COL8A2: variants seen among roughly 807,000 people sequenced by gnomAD.
COL8A2 encodes the protein collagen type VIII alpha 2 chain.
A neutral mutation model predicts 24.0 loss-of-function variants in COL8A2; 16 were observed. That is an observed-to-expected ratio of 0.67 (90% CI 0.45 to 1.01). The LOEUF (loss-of-function observed/expected upper bound fraction) is 1.01, where lower values mean the gene tolerates loss of function less well. Among genes scored for constraint, COL8A2 ranks in the 50% least tolerant of loss-of-function variants. The pLI is 0.00. For missense variants in COL8A2, 818 were observed against 942.4 expected (o/e 0.87, Z 1.73); for synonymous variants, 466 against 424.5 (o/e 1.10, Z -1.20).
chr1:36,120,147 C>A (rs1289325647), intron 1 of COL8A2, among the ~76,000 whole-genome samples: 3 of 152,176 alleles, frequency 2.0e-5, no homozygotes, highest in African/African-American at 7.2e-5. Context: ...CCACAAAAAA[C>A]CCCTTGTGCT....
In COL8A2 at chr1:36,099,319, CGGGAGAAGCCAGG is replaced by C; in HGVS notation, c.349_361del (p.Pro117GlyfsTer116). On this transcript the variant is annotated frameshift_variant, in exon 4 of 4. Coordinates refer to ENST00000397799, the MANE Select transcript of COL8A2 (RefSeq NM_005202.4). LOFTEE classifies it low-confidence loss of function (END_TRUNC). ...CCCTGGGGGACCAGCCTTGCCCATC[CGGGAGAAGCCAGG>C]GGGCCCAGCAGGGCCAGGCTGCCCA... 1 of 1,581,440 alleles carries C rather than the reference CGGGAGAAGCCAGG, an allele frequency of 6.3e-7. No individual in the cohort carries two copies. The highest frequency in any genetic ancestry group is 8.6e-7 in the Non-Finnish European group (1 of 1,165,812).
Position 36,099,088 on chromosome 1 carries a change from G to T in COL8A2, c.593C>A (p.Pro198His). Residue 198 changes from proline to histidine, a missense_variant, in exon 4 of 4, where the codon CCC becomes CAC. Physicochemically the swap from Pro to His is moderately conservative, Grantham distance 77 (BLOSUM62 -2). Transcript: ENST00000397799. Reference protein sequence around the residue: ...GEPGPQGEPGPPGDRGLKGDN... With the variant: ...GEPGPQGEPGHPGDRGLKGDN... ...CCCCTTGAGGCCTCGATCACCTGGGGGCCCAGGCTCCCCCTGGGGCCCTGG... is the reference window on the plus strand; with the variant it reads ...CCCCTTGAGGCCTCGATCACCTGGGTGCCCAGGCTCCCCCTGGGGCCCTGG... The T allele has an allele frequency of 6.6e-7, 1 of 1,509,762 alleles. No individual in the cohort carries two copies. The highest frequency in any genetic ancestry group is 8.8e-7 in the Non-Finnish European group (1 of 1,130,592). 93.5% of individuals were successfully genotyped at this position (1,509,762 alleles called of 1,614,324 possible).
chr1:36,113,151 GGACC>G (rs1643863375), intron 2 of COL8A2, among the ~76,000 whole-genome samples: 1 of 152,162 alleles, frequency 6.6e-6, no homozygotes, highest in Non-Finnish European at 1.5e-5. Context: ...AGAGGGCCAG[GGACC>G]AGCTCAACGC....
intron 2 of COL8A2, among the ~76,000 whole-genome samples, chr1:36,103,422 G>A (rs1339928403): frequency 5.3e-5 from 8 of 152,022 alleles, no homozygotes; most frequent in South Asian, 4.2e-4. Flanking sequence ...ACAGGCGCCC[G>A]CCAACACGCC....
In COL8A2 at chr1:36,100,212, G is replaced by A. The variant is rs555148744; in HGVS notation, c.31C>T (p.Leu11=). The A allele has an allele frequency of 6.3e-7, 1 of 1,584,276 alleles. No individual in the cohort carries two copies. The highest frequency in any genetic ancestry group is 1.1e-5 in the South Asian group (1 of 88,192). Residue 11 remains leucine, a synonymous_variant, in exon 3 of 4, where the codon CTG becomes TTG. Coordinates refer to ENST00000397799, the MANE Select transcript of COL8A2 (RefSeq NM_005202.4). The stretch of plus-strand genomic sequence containing the variant: ...ACCAGCACCAGTAGCAGCAGCAGCA[G>A]CGAAGACAGGGGTGTCAGAGTCCCC... MLGTLTPLSS[L]LLLLLVLVLG... is the part of the protein sequence containing the mutation.
chr1:36,103,418 G>A (rs937099726), intron 2 of COL8A2, among the ~76,000 whole-genome samples: 3 of 152,022 alleles, frequency 2.0e-5, no homozygotes, highest in Non-Finnish European at 4.4e-5. Flanking sequence ...GACTACAGGC[G>A]CCCGCCAACA....
chr1:36,109,581 C>CTTTT (rs10715688), intron 2 of COL8A2, among the ~76,000 whole-genome samples: 6 of 141,112 alleles, frequency 4.3e-5, no homozygotes, highest in African/African-American at 2.6e-5. Context: ...AGTAACCACT[C>CTTTT]TTTTTTTTTT....
chr1:36,118,682 C>T (rs1200692837), intron 1 of COL8A2, among the ~76,000 whole-genome samples: 1 of 146,078 alleles, frequency 6.8e-6, no homozygotes, highest in Non-Finnish European at 1.5e-5. Context: ...CACCCCCCGC[C>T]CCCCACCCCC....
intron 1 of COL8A2, among the ~76,000 whole-genome samples, chr1:36,120,210 T>C (rs1487946844): frequency 6.6e-6 from 1 of 152,172 alleles, no homozygotes; most frequent in East Asian, 1.9e-4. Context: ...TCCATTCCTT[T>C]TGGGAGGCTC....
rs1643927679 is a variant in COL8A2 at position 36,123,326 on chromosome 1, T to C, written c.-62+1731A>G. Among the ~76,000 whole-genome samples, 1 of 152,206 alleles carries C rather than the reference T, an allele frequency of 6.6e-6. No homozygotes were observed. Among genetic ancestry groups the C allele is most frequent in the Non-Finnish European group, 1.5e-5 (1 of 68,036 alleles). On this transcript the variant is annotated intron_variant, in intron 1 of 3. Coordinates refer to ENST00000397799, the MANE Select transcript of COL8A2 (RefSeq NM_005202.4). The surrounding 1 kb of genome is among the most constrained non-coding windows in gnomAD (Gnocchi z 4.1). Reference sequence around the variant, plus strand: ...AGGGCAAGGAAGCTGGGGCTGTGCGTCCTTTGTTCCGGCTCAGGCAGGAGC... The same window carrying C: ...AGGGCAAGGAAGCTGGGGCTGTGCGCCCTTTGTTCCGGCTCAGGCAGGAGC...
intron 2 of COL8A2, among the ~76,000 whole-genome samples, chr1:36,112,264 A>G (rs1394284135): frequency 6.6e-6 from 1 of 151,982 alleles, no homozygotes; most frequent in East Asian, 1.9e-4. Context: ...CGGCCTCCCA[A>G]AGTGCTGGGA....
rs771655358 is a variant in COL8A2 at position 36,098,753 on chromosome 1, T to A, written c.928A>T (p.Ile310Leu). ...GGCATCCCATAGCCAGTGGGGCCTA[T>A]CAGCCCAGGGGGGCCCCGGGTCCCT... ...EPGTRGPPGL[I>L]GPTGYGMPGL... Residue 310 changes from isoleucine to leucine, a missense_variant, in exon 4 of 4, where the codon ATA (isoleucine) becomes TTA (leucine). Ile to Leu is a conservative substitution (Grantham distance 5). Transcript: ENST00000397799. 2 of 1,611,366 alleles carry A rather than the reference T, an allele frequency of 1.2e-6. No homozygotes were observed. Among genetic ancestry groups the A allele is most frequent in the African/African-American group, 2.7e-5 (2 of 74,814 alleles).
chr1:36,121,162 G>A (rs1421721993), intron 1 of COL8A2, among the ~76,000 whole-genome samples: 7 of 151,168 alleles, frequency 4.6e-5, no homozygotes, highest in South Asian at 4.2e-4. Context: ...AGGCCAAGGC[G>A]GGTAGATCAT....
At chr1:36,119,960 C>G (rs914823775) in intron 1 of COL8A2, among the ~76,000 whole-genome samples, 1 of 152,142 alleles carries the variant, frequency 6.6e-6, no homozygotes, top group Non-Finnish European at 1.5e-5. Flanking sequence ...AGAATTGAGA[C>G]CAGAGGCCAG....
rs1265221345 is a variant in COL8A2, at chr1:36,115,952, T to C, written c.-61-200A>G. ...GATGGTGCACGCCTATAGTCCCAGC[T>C]ACTTAGGAGGCTGAGGTGGGTGGTA... On this transcript the variant is annotated intron_variant, in intron 1 of 3. Transcript: ENST00000397799. This position sits in a 1 kb window ranked among gnomAD's most constrained non-coding sequence, Gnocchi z 5.7. Among the ~76,000 whole-genome samples, 2 of 151,700 alleles carry C rather than the reference T, an allele frequency of 1.3e-5. No individual in the cohort carries two copies. Among genetic ancestry groups the C allele is most frequent in the Admixed American group, 6.6e-5 (1 of 15,198 alleles).
At chr1:36,103,560 C>T (rs1467032193) in intron 2 of COL8A2, among the ~76,000 whole-genome samples, 1 of 151,308 alleles carries the variant, frequency 6.6e-6, no homozygotes, top group Non-Finnish European at 1.5e-5. Context: ...GGCGTGAGGC[C>T]CACATCTGTG....
At chr1:36,110,535 G>A (rs538583047) in intron 2 of COL8A2, among the ~76,000 whole-genome samples, 1 of 152,084 alleles carries the variant, frequency 6.6e-6, no homozygotes, top group South Asian at 2.1e-4. Context: ...TCTCACCCAA[G>A]CTGGAGTGCA....
At chr1:36,112,553 C>T (rs1402924467) in intron 2 of COL8A2, among the ~76,000 whole-genome samples, 10 of 152,124 alleles carry the variant, frequency 6.6e-5, no homozygotes, top group Admixed American at 5.9e-4. Flanking sequence ...TGCTTTCCCA[C>T]AGCCTCACCC....
chr1:36,101,282 C>A (rs1415976006), intron 2 of COL8A2, among the ~76,000 whole-genome samples: 1 of 152,190 alleles, frequency 6.6e-6, no homozygotes, highest in Non-Finnish European at 1.5e-5. Context: ...CCTCCCCACA[C>A]CTCCACCCAG....
Sources: allele counts gnomAD v4.1 joint callset (sites outside exome capture counted in the v4.1 genomes callset), GRCh38; gene constraint gnomAD v4.1.1; non-coding constraint Gnocchi (gnomAD v3.1); transcripts MANE v1.5; gene names NCBI Gene and HGNC (gene_info 2026-07-23, HGNC 2026-07-21).